DLGAP2: variants seen among roughly 807,000 people sequenced by gnomAD.
DLGAP2 encodes DLG associated protein 2.
In DLGAP2, 26 loss-of-function variants were observed where a neutral mutation model predicts 100.3. That is an observed-to-expected ratio of 0.26 (90% CI 0.19 to 0.36). The LOEUF (loss-of-function observed/expected upper bound fraction) is 0.36. DLGAP2 is among the 10% of genes least tolerant of loss of function. DLGAP2 has a pLI of 1.00. For missense variants in DLGAP2, 1,858 were observed against 1,453.2 expected, an observed-to-expected ratio of 1.28 and a Z score of -4.53; for synonymous variants, 886 against 630.1, an observed-to-expected ratio of 1.41 and a Z score of -6.08.
intron 3 of DLGAP2, among the ~76,000 whole-genome samples, chr8:1,332,088 G>T (rs1340020938): frequency 6.6e-6 from 1 of 152,196 alleles, no homozygotes; most frequent in African/African-American, 2.4e-5. Flanking sequence ...GCCTGGCACA[G>T]CCCATCCCCA....
At chr8:1,135,363 G>A (rs1005730067) in intron 2 of DLGAP2, among the ~76,000 whole-genome samples, 9 of 152,190 alleles carry the variant, frequency 5.9e-5, no homozygotes, top group East Asian at 3.9e-4. Flanking sequence ...GGACCCAGGC[G>A]GCTGTCTGAG....
chr8:1,275,010 T>C (rs890382182), intron 3 of DLGAP2, among the ~76,000 whole-genome samples: 1 of 152,106 alleles, frequency 6.6e-6, no homozygotes, highest in Non-Finnish European at 1.5e-5. Context: ...CTTCCCTGTT[T>C]ATTGCTTGCT....
At chr8:848,919 CGCGCG>C (rs1563061916) in intron 1 of DLGAP2, among the ~76,000 whole-genome samples, 45 of 149,558 alleles carry the variant, frequency 3.0e-4, no homozygotes, top group African/African-American at 1.1e-3. Context: ...AGCATAGGAA[CGCGCG>C]GTGCCTGTTC....
At chr8:1,519,665 C>G (rs978016356) in intron 4 of DLGAP2, among the ~76,000 whole-genome samples, 1 of 152,242 alleles carries the variant, frequency 6.6e-6, no homozygotes, top group Non-Finnish European at 1.5e-5. Flanking sequence ...GTTCCAGACC[C>G]CAGAAGAAAA....
intron 2 of DLGAP2, among the ~76,000 whole-genome samples, chr8:1,059,281 G>A (rs1191369529): frequency 3.3e-5 from 5 of 151,938 alleles, no homozygotes; most frequent in African/African-American, 9.7e-5. Context: ...CTCCATCCCC[G>A]AGGGCCTCCT....
At chr8:1,144,636 T>C (rs140367739) in intron 2 of DLGAP2, among the ~76,000 whole-genome samples, 399 of 152,342 alleles carry the variant, frequency 2.6e-3, no homozygotes, top group Non-Finnish European at 3.8e-3. Flanking sequence ...TCTAGGTAAA[T>C]ATTAATCTCT....
intron 3 of DLGAP2, among the ~76,000 whole-genome samples, chr8:1,455,467 G>C (rs926792763): frequency 6.6e-6 from 1 of 151,992 alleles, no homozygotes; most frequent in Non-Finnish European, 1.5e-5. Context: ...GTCAACATTC[G>C]GGCCTGAGCC....
intron 2 of DLGAP2, among the ~76,000 whole-genome samples, chr8:1,108,463 G>A (rs1014364079): frequency 6.6e-6 from 1 of 152,120 alleles, no homozygotes; most frequent in African/African-American, 2.4e-5. Flanking sequence ...TGCCTGTGAT[G>A]TGCGCTGGGT....
chr8:1,412,262 C>T (rs1796752500), intron 3 of DLGAP2, among the ~76,000 whole-genome samples: 2 of 152,344 alleles, frequency 1.3e-5, no homozygotes, highest in South Asian at 4.1e-4. Context: ...GAGCGCTAGA[C>T]TCTGCAGCCT....
At chr8:1,052,243 G>A (rs544686964) in intron 2 of DLGAP2, among the ~76,000 whole-genome samples, 3 of 152,306 alleles carry the variant, frequency 2.0e-5, no homozygotes, top group South Asian at 4.1e-4. Flanking sequence ...TTCATACATA[G>A]CCCAGGGGGT....
chr8:782,310 A>G (rs1821713649), intron 1 of DLGAP2, among the ~76,000 whole-genome samples: 1 of 152,162 alleles, frequency 6.6e-6, no homozygotes, highest in African/African-American at 2.4e-5. Flanking sequence ...AACTGGTAGT[A>G]TCTTGATAGA....
chr8:1,080,423 C>T (rs989205293), intron 2 of DLGAP2, among the ~76,000 whole-genome samples: 3 of 152,216 alleles, frequency 2.0e-5, no homozygotes, highest in Admixed American at 6.5e-5. Context: ...CTTAGAAAAT[C>T]GCCATCAGCC....
intron 1 of DLGAP2, among the ~76,000 whole-genome samples, chr8:889,083 A>C (rs750520316): frequency 9.2e-5 from 14 of 152,176 alleles, no homozygotes; most frequent in Non-Finnish European, 1.9e-4. Context: ...GGAGGTCACA[A>C]GGTGCTCAGT....
At chr8:1,267,630 T>A (rs55746026) in intron 3 of DLGAP2, among the ~76,000 whole-genome samples, 62,661 of 99,192 alleles carry the variant, frequency 0.63, 21,631 homozygotes, top group African/African-American at 0.72. Context: ...AGATAAATAT[T>A]AAATAGGTCT....
At position 811,038 on chromosome 8, in the gene DLGAP2, C is replaced by T. The variant is rs546254933; in HGVS notation, c.18+73213C>T. Among the ~76,000 whole-genome samples the T allele has an allele frequency of 9.3e-4, 141 of 152,300 alleles. 2 individuals are homozygous for T. Among genetic ancestry groups the T allele is most frequent in the South Asian group, 8.3e-3 (40 of 4,826 alleles). On this transcript the variant is annotated intron_variant, in intron 1 of 14. Transcript: ENST00000637795. ...TGTAGAAGGCATCGCTGTCATCTCC[C>T]GGACTTTCCTCTTCACTTTCTTGGT...
chr8:770,911 A>G (rs540641207), intron 1 of DLGAP2, among the ~76,000 whole-genome samples: 5 of 148,494 alleles, frequency 3.4e-5, no homozygotes, highest in African/African-American at 7.9e-5. Context: ...TTAGGGATGG[A>G]AAAAATTTTT....
chr8:1,220,926 C>T (rs1313269320), intron 2 of DLGAP2, among the ~76,000 whole-genome samples: 1 of 152,028 alleles, frequency 6.6e-6, no homozygotes. Context: ...GCAGCTCTTC[C>T]TCTTGTTTGT....
At chr8:1,540,652 G>A (rs545934088) in intron 4 of DLGAP2, among the ~76,000 whole-genome samples, 125 of 152,342 alleles carry the variant, frequency 8.2e-4, no homozygotes, top group Non-Finnish European at 1.5e-3. Flanking sequence ...GGGAGCTGCC[G>A]GGAGCTGGAC....
intron 2 of DLGAP2, among the ~76,000 whole-genome samples, chr8:1,173,319 C>T (rs1230648186): frequency 6.6e-6 from 1 of 152,198 alleles, no homozygotes; most frequent in Non-Finnish European, 1.5e-5. Context: ...TTAGGCTGCT[C>T]AGGGGTCAGG....
Sources: allele counts gnomAD v4.1 joint callset (sites outside exome capture counted in the v4.1 genomes callset), GRCh38; gene constraint gnomAD v4.1.1; transcripts MANE v1.5; gene names NCBI Gene and HGNC (gene_info 2026-07-23, HGNC 2026-07-21).